Variants in ST3GAL3 observed in about 807,000 individuals in gnomAD.
ST3GAL3 encodes ST3 beta-galactoside alpha-2,3-sialyltransferase 3, also known as CMP-N-acetylneuraminate-beta-1,4-galactoside alpha-2,3-sialyltransferase.
In ST3GAL3, 21 loss-of-function variants were observed where a neutral mutation model predicts 50.1. The ratio of observed to expected loss-of-function variants is 0.42; its 90% CI spans 0.30 to 0.60. The LOEUF (loss-of-function observed/expected upper bound fraction) is 0.60, where lower values mean the gene tolerates loss of function less well. Ranked by LOEUF, ST3GAL3 falls within the 20% of genes least tolerant of loss-of-function variation. The probability of loss-of-function intolerance (pLI) is 0.19; values close to 1 mark genes in which losing one functional copy is unlikely to be tolerated. For synonymous variants in ST3GAL3, 183 were observed against 190.0 expected (o/e 0.96, Z 0.30); for missense variants, 353 against 489.4 (o/e 0.72, Z 2.63).
intron 1 of ST3GAL3, among the ~76,000 whole-genome samples, chr1:43,716,092 A>G (rs1292942913): frequency 2.6e-5 from 4 of 152,182 alleles, no homozygotes; most frequent in Non-Finnish European, 4.4e-5. Context: ...AAAAACGTCT[A>G]TTTTCAAAAT....
chr1:43,821,354 A>G (rs2062068459), intron 4 of ST3GAL3, among the ~76,000 whole-genome samples: 1 of 152,204 alleles, frequency 6.6e-6, no homozygotes, highest in Non-Finnish European at 1.5e-5. Context: ...TGAAGTATAG[A>G]TGAAAGAGCA....
chr1:43,786,439 C>T (rs1218531443), intron 2 of ST3GAL3, among the ~76,000 whole-genome samples: 1 of 152,138 alleles, frequency 6.6e-6, no homozygotes, highest in Non-Finnish European at 1.5e-5. Flanking sequence ...AGGGCTGCTG[C>T]GCTTGCTTTT....
intron 4 of ST3GAL3, among the ~76,000 whole-genome samples, chr1:43,817,644 C>G (rs889486877): frequency 1.7e-4 from 13 of 75,770 alleles, no homozygotes; most frequent in Non-Finnish European, 2.6e-4. Flanking sequence ...TCCTCCTTCT[C>G]CTCCTCCTCC....
At chr1:43,724,291 AC>A (rs1351885643) in intron 1 of ST3GAL3, among the ~76,000 whole-genome samples, 1 of 151,810 alleles carries the variant, frequency 6.6e-6, no homozygotes, top group East Asian at 1.9e-4. Flanking sequence ...GCTAACTGCA[AC>A]GTCTGCCTCC....
Position 43,824,852 on chromosome 1 carries a change from G to A in ST3GAL3, c.209+9919G>A, listed in dbSNP as rs111385873. ...TCTAGAGATTTTGAAGTCACTGAGC[G>A]AGGACACAGCCTTTGCATTAGGATT... On this transcript the variant is annotated intron_variant, in intron 4 of 11. Coordinates refer to ENST00000347631, the MANE Select transcript of ST3GAL3 (RefSeq NM_006279.5). 16 of 1,039,682 alleles carry A rather than the reference G, an allele frequency of 1.5e-5. No homozygotes were observed. The African/African-American group carries it at 1.7e-4, about 11-fold the overall frequency. 64.4% of individuals were successfully genotyped at this position (1,039,682 alleles called of 1,614,324 possible). A position where few individuals can be genotyped will look rare whatever the true frequency, so the allele number is the denominator to read the frequency against.
intron 5 of ST3GAL3, among the ~76,000 whole-genome samples, chr1:43,845,180 G>A (rs536846030): frequency 5.9e-5 from 9 of 152,072 alleles, no homozygotes; most frequent in Middle Eastern, 3.4e-3. Flanking sequence ...ATGGTGTTTC[G>A]CCATGTTTGC....
intron 5 of ST3GAL3, among the ~76,000 whole-genome samples, chr1:43,884,757 G>A (rs1301022309): frequency 2.0e-5 from 3 of 152,164 alleles, no homozygotes; most frequent in African/African-American, 4.8e-5. Flanking sequence ...GCTTGCACTC[G>A]TCACAGTCAT....
intron 2 of ST3GAL3, among the ~76,000 whole-genome samples, chr1:43,773,070 A>G (rs1404786853): frequency 2.0e-5 from 3 of 152,222 alleles, no homozygotes; most frequent in African/African-American, 4.8e-5. Flanking sequence ...TTTTAAAAAA[A>G]TCACTCTATT....
intron 9 of ST3GAL3, among the ~76,000 whole-genome samples, chr1:43,904,681 C>G (rs1313023475): frequency 6.8e-6 from 1 of 147,082 alleles, no homozygotes. Flanking sequence ...CTCCTGCTCC[C>G]CTTCCCGTCA....
At position 43,798,148 on chromosome 1, in the gene ST3GAL3, C is replaced by T. The variant is rs2058896830; in HGVS notation, c.166+5999C>T. Among the ~76,000 whole-genome samples the T allele has an allele frequency of 1.3e-5, 2 of 152,106 alleles. 1 individual carries two copies. The highest frequency in any genetic ancestry group is 4.1e-4 in the South Asian group (2 of 4,822). ...CACCCTGATTGTTCCTCTTCCTTTACCCTCTCCCCCTTTCCTGTCTTCACA... is the reference window on the plus strand; with the variant it reads ...CACCCTGATTGTTCCTCTTCCTTTATCCTCTCCCCCTTTCCTGTCTTCACA... On this transcript the variant is annotated intron_variant, in intron 3 of 11. Transcript: ENST00000347631.
chr1:43,884,762 A>C (rs2075705254), intron 5 of ST3GAL3, among the ~76,000 whole-genome samples: 1 of 152,172 alleles, frequency 6.6e-6, no homozygotes, highest in Non-Finnish European at 1.5e-5. Context: ...CACTCGTCAC[A>C]GTCATTGGGA....
chr1:43,853,269 G>T (rs994066627), intron 5 of ST3GAL3, among the ~76,000 whole-genome samples: 1 of 152,226 alleles, frequency 6.6e-6, no homozygotes, highest in African/African-American at 2.4e-5. Context: ...CCATGCTGCA[G>T]AGTGATACTA....
rs1678988135 is a variant in ST3GAL3 at position 43,737,415 on chromosome 1, A to G, written c.118+1035A>G. The stretch of plus-strand genomic sequence containing the variant: ...AACATGGGAAGTATTACAGTGAAGT[A>G]GCTCATTTATTTCTCCCATGGCTCA... On this transcript the variant is annotated intron_variant, in intron 2 of 11. Transcript: ENST00000347631. This position sits in a 1 kb window ranked among gnomAD's most constrained non-coding sequence, Gnocchi z 4.0. 1 of 152,204 alleles carries G rather than the reference A, an allele frequency of 6.6e-6. No homozygotes were observed. Among genetic ancestry groups the G allele is most frequent in the South Asian group, 2.1e-4 (1 of 4,834 alleles). The allele number at this position is 152,204 out of a possible 1,614,324, so 9.4% of individuals were successfully genotyped here.
intron 2 of ST3GAL3, among the ~76,000 whole-genome samples, chr1:43,744,137 A>G (rs1682409761): frequency 6.6e-6 from 1 of 152,222 alleles, no homozygotes; most frequent in Non-Finnish European, 1.5e-5. Context: ...TTATCATCAT[A>G]AAACCAAAGA....
At position 43,765,784 on chromosome 1, in the gene ST3GAL3, TGCGC is replaced by T. The variant is rs67184106; in HGVS notation, c.119-26304_119-26301del. On this transcript the variant is annotated intron_variant, in intron 2 of 11. Transcript: ENST00000347631. Reference sequence around the variant, plus strand: ...GTGTGTGTGTGTGTGTGTGTGTGTGTGCGCGCGCGCGCGCGCGTCCGCGCGTCCG... The same window carrying T: ...GTGTGTGTGTGTGTGTGTGTGTGTGTGCGCGCGCGCGCGTCCGCGCGTCCG... 4.1e-3 allele frequency among the ~76,000 whole-genome samples: 558 copies of T among 136,864 alleles called. 4 individuals are homozygous for T. The highest frequency in any genetic ancestry group is 0.015 in the African/African-American group (500 of 33,292). The allele number at this position is 136,864 out of a possible 152,430, so 89.8% of individuals were successfully genotyped here. A position where few individuals can be genotyped will look rare whatever the true frequency, so the allele number is the denominator to read the frequency against.
chr1:43,827,264 A>C (rs1039682469), intron 4 of ST3GAL3, among the ~76,000 whole-genome samples: 2 of 152,224 alleles, frequency 1.3e-5, no homozygotes, highest in South Asian at 2.1e-4. Flanking sequence ...CACAAAAGGC[A>C]ATTGCTTTTC....
intron 5 of ST3GAL3, chr1:43,839,993 C>T (rs991396979): frequency 9.2e-5 from 14 of 152,184 alleles, no homozygotes; most frequent in African/African-American, 3.4e-4. Context: ...AGTCACCTAC[C>T]ACCAGGCCCC....
At chr1:43,795,422 C>T (rs1000661492) in intron 3 of ST3GAL3, among the ~76,000 whole-genome samples, 2 of 152,218 alleles carry the variant, frequency 1.3e-5, no homozygotes, top group Non-Finnish European at 2.9e-5. Flanking sequence ...CCAGCTTCGA[C>T]ACCTAGTTCT....
chr1:43,919,397 AT>A (rs2082654732), intron 9 of ST3GAL3: 1 of 152,264 alleles, frequency 6.6e-6, no homozygotes, highest in Non-Finnish European at 1.5e-5. Flanking sequence ...TAGGTTTTCT[AT>A]GCAAATAACA....
Sources: gnomAD v4.1 joint callset for allele counts (sites outside exome capture counted in the v4.1 genomes callset) on GRCh38, gnomAD v4.1.1 for gene constraint, Gnocchi (gnomAD v3.1) non-coding constraint, MANE v1.5 for transcripts, NCBI Gene and HGNC (gene_info 2026-07-23, HGNC 2026-07-21) for gene names.